DCC: variants seen among roughly 807,000 people sequenced by gnomAD.
DCC encodes the protein DCC netrin 1 receptor.
A neutral mutation model predicts 172.5 loss-of-function variants in DCC; 58 were observed. The ratio of observed to expected loss-of-function variants is 0.34; its 90% CI spans 0.27 to 0.42. DCC has a LOEUF of 0.42. Ranked by LOEUF, DCC falls within the 10% of genes least tolerant of loss-of-function variation. The probability of loss-of-function intolerance (pLI) is 1.00; values close to 1 mark genes in which losing one functional copy is unlikely to be tolerated. For synonymous variants in DCC, 709 were observed against 644.5 expected (o/e 1.10, Z -1.52); for missense variants, 1,740 against 1,791.0 (o/e 0.97, Z 0.51).
chr18:52,833,770 C>T (rs368672974), intron 2 of DCC, among the ~76,000 whole-genome samples: 6 of 152,284 alleles, frequency 3.9e-5, no homozygotes, highest in African/African-American at 1.2e-4. Context: ...GAGCAGTCCT[C>T]CTGCCTCAGC....
intron 5 of DCC, among the ~76,000 whole-genome samples, chr18:52,981,738 T>C (rs1249341186): frequency 6.6e-6 from 1 of 152,168 alleles, no homozygotes; most frequent in African/African-American, 2.4e-5. Context: ...GAAGAGGACA[T>C]TTAAAACATG....
At chr18:53,312,178 GAAAA>G (rs2057278737) in intron 13 of DCC, among the ~76,000 whole-genome samples, 1 of 27,204 alleles carries the variant, frequency 3.7e-5, no homozygotes, top group South Asian at 2.1e-3. Flanking sequence ...AAAAAAAAAA[GAAAA>G]AGAAAATTAG....
intron 2 of DCC, among the ~76,000 whole-genome samples, chr18:52,859,290 C>G (rs1299219214): frequency 6.6e-6 from 1 of 152,036 alleles, no homozygotes; most frequent in Non-Finnish European, 1.5e-5. Context: ...CTGTAGAGGC[C>G]AGGGGAAGAC....
At chr18:53,442,438 A>G (rs1442967288) in intron 22 of DCC, among the ~76,000 whole-genome samples, 9 of 152,216 alleles carry the variant, frequency 5.9e-5, no homozygotes, top group Admixed American at 5.2e-4. Context: ...CTGCACCCAT[A>G]TAAGATGATG....
intron 1 of DCC, among the ~76,000 whole-genome samples, chr18:52,624,089 G>A (rs1200955514): frequency 6.6e-6 from 1 of 152,048 alleles, no homozygotes; most frequent in African/African-American, 2.4e-5. Context: ...GTAATGAAAG[G>A]AACTTAACAT....
intron 1 of DCC, among the ~76,000 whole-genome samples, chr18:52,392,056 C>T (rs569211188): frequency 6.6e-5 from 10 of 152,240 alleles, no homozygotes; most frequent in East Asian, 5.8e-4. Context: ...CGTTATGAGG[C>T]GCACAGATTG....
intron 1 of DCC, among the ~76,000 whole-genome samples, chr18:52,489,566 G>A (rs970582761): frequency 9.9e-5 from 15 of 152,076 alleles, no homozygotes; most frequent in Non-Finnish European, 4.4e-5. Flanking sequence ...GCTTGGAGAG[G>A]GGAAGCAATA....
intron 12 of DCC, among the ~76,000 whole-genome samples, chr18:53,275,761 G>T (rs1476504937): frequency 6.6e-6 from 1 of 152,010 alleles, no homozygotes; most frequent in African/African-American, 2.4e-5. Flanking sequence ...AGCTAATGTG[G>T]TAGTCTATAC....
At chr18:53,357,481 G>T (rs887283577) in intron 15 of DCC, among the ~76,000 whole-genome samples, 1 of 152,084 alleles carries the variant, frequency 6.6e-6, no homozygotes, top group African/African-American at 2.4e-5. Flanking sequence ...AAAAATCAAT[G>T]CACTTTAGCC....
At chr18:53,479,670 G>T (rs1009392418) in intron 25 of DCC, among the ~76,000 whole-genome samples, 1 of 152,100 alleles carries the variant, frequency 6.6e-6, no homozygotes, top group Non-Finnish European at 1.5e-5. Context: ...ATGAAGAAGG[G>T]ATCTGACAAA....
At chr18:53,237,886 A>C (rs2056229559) in intron 12 of DCC, among the ~76,000 whole-genome samples, 2 of 152,204 alleles carry the variant, frequency 1.3e-5, no homozygotes, top group Admixed American at 6.6e-5. Flanking sequence ...TAAATAAACA[A>C]CTAGATTATC....
intron 1 of DCC, among the ~76,000 whole-genome samples, chr18:52,475,707 A>G (rs1293892078): frequency 1.3e-5 from 2 of 152,182 alleles, no homozygotes; most frequent in African/African-American, 4.8e-5. Flanking sequence ...AAGAGGAAAG[A>G]GGGAAGGAGA....
intron 5 of DCC, among the ~76,000 whole-genome samples, chr18:52,947,403 A>G (rs1568204465): frequency 6.6e-6 from 1 of 152,178 alleles, no homozygotes. Context: ...CCAGTTTGGC[A>G]TCAGATTTAA....
At chr18:53,096,073 T>A (rs1454026292) in intron 7 of DCC, among the ~76,000 whole-genome samples, 1 of 151,990 alleles carries the variant, frequency 6.6e-6, no homozygotes, top group Non-Finnish European at 1.5e-5. Context: ...AGTTAATGGG[T>A]GCAGCACACC....
intron 2 of DCC, among the ~76,000 whole-genome samples, chr18:52,780,327 A>C (rs1208684008): frequency 6.6e-6 from 1 of 152,182 alleles, no homozygotes; most frequent in Admixed American, 6.5e-5. Context: ...GAGATTAATA[A>C]AATTTATGAT....
At chr18:52,963,446 C>T (rs1030725651) in intron 5 of DCC, among the ~76,000 whole-genome samples, 4 of 152,024 alleles carry the variant, frequency 2.6e-5, no homozygotes, top group African/African-American at 4.8e-5. Context: ...GAAAGCAAGA[C>T]TGTGAAGCAA....
At chr18:52,542,299 A>G (rs1327180609) in intron 1 of DCC, among the ~76,000 whole-genome samples, 1 of 152,120 alleles carries the variant, frequency 6.6e-6, no homozygotes, top group African/African-American at 2.4e-5. Context: ...TGTTCAACAC[A>G]GGCATGGTTG....
chr18:52,716,276 G>T (rs2145065436), intron 1 of DCC, among the ~76,000 whole-genome samples: 1 of 152,294 alleles, frequency 6.6e-6, no homozygotes, highest in Non-Finnish European at 1.5e-5. Context: ...CGGTTTTCTG[G>T]GCAACAGAAA....
intron 22 of DCC, among the ~76,000 whole-genome samples, chr18:53,441,922 A>AT (rs1444638683): frequency 8.5e-5 from 13 of 152,168 alleles, no homozygotes; most frequent in African/African-American, 3.1e-4. Context: ...TTCTCTGTGT[A>AT]GCCTCCTCTT....
Sources: gnomAD v4.1 joint callset for allele counts (sites outside exome capture counted in the v4.1 genomes callset) on GRCh38, gnomAD v4.1.1 for gene constraint, MANE v1.5 for transcripts, NCBI Gene and HGNC (gene_info 2026-07-23, HGNC 2026-07-21) for gene names.